Variants in GALP observed in about 807,000 individuals in gnomAD.
GALP encodes the protein galanin-like peptide.
A neutral mutation model predicts 15.2 loss-of-function variants in GALP; 12 were observed. The ratio of observed to expected loss-of-function variants is 0.79; its 90% confidence interval spans 0.51 to 1.28. The LOEUF is 1.28. Among genes scored for constraint, GALP ranks in the 50% most tolerant of loss-of-function variants. The probability of loss-of-function intolerance (pLI) is 0.00; values close to 1 mark genes in which losing one functional copy is unlikely to be tolerated. For missense variants in GALP, 161 were observed against 145.6 expected, an observed-to-expected ratio of 1.11 and a Z score of -0.55; for synonymous variants, 58 against 55.1, an observed-to-expected ratio of 1.05 and a Z score of -0.23.
intron 2 of GALP, among the ~76,000 whole-genome samples, chr19:56,177,980 C>A (rs573922826): frequency 1.3e-5 from 2 of 152,178 alleles, no homozygotes; most frequent in African/African-American, 4.8e-5. Flanking sequence ...TTGTTCATAA[C>A]AATGTGTTGT....
In GALP at chr19:56,185,315, T is replaced by C. The variant is rs968870827; in HGVS notation, c.*45T>C. The C allele has an allele frequency of 2.4e-6, 3 of 1,245,454 alleles. No individual in the cohort carries two copies. Among genetic ancestry groups the C allele is most frequent in the Non-Finnish European group, 3.5e-6 (3 of 859,830 alleles). The allele number at this position is 1,245,454 out of a possible 1,614,324, so 77.2% of individuals were successfully genotyped here. A position where few individuals can be genotyped will look rare whatever the true frequency, so the allele number is the denominator to read the frequency against. ...CCTATCCTTCTTCTCCAGCTCCTCC[T>C]GCTCCCTCTGAAACCTTTTCTAGGT... On this transcript the variant is annotated 3_prime_UTR_variant, in exon 6 of 6. Transcript: ENST00000357330.
At chr19:56,184,448 A>C (rs928053052) in intron 5 of GALP, among the ~76,000 whole-genome samples, 1 of 141,554 alleles carries the variant, frequency 7.1e-6, no homozygotes. Flanking sequence ...CCCCAACCCC[A>C]TCTCCTTCTT....
chr19:56,177,221 A>G (rs775192491), intron 2 of GALP, 26 bp downstream of exon 2: 1 of 1,575,830 alleles, frequency 6.3e-7, no homozygotes, highest in Non-Finnish European at 8.7e-7. Flanking sequence ...GTTCCTCGGA[A>G]ACAACAGTGT....
At position 56,185,304 on chromosome 19, in the gene GALP, C is replaced by T; in HGVS notation, c.*34C>T. 1 of 1,366,088 alleles carries T rather than the reference C, an allele frequency of 7.3e-7. No individual in the cohort carries two copies. The highest frequency in any genetic ancestry group is 1.0e-6 in the Non-Finnish European group (1 of 963,814). The allele number at this position is 1,366,088 out of a possible 1,614,324, so 84.6% of individuals were successfully genotyped here. A position where few individuals can be genotyped will look rare whatever the true frequency, so the allele number is the denominator to read the frequency against. The stretch of plus-strand genomic sequence containing the variant: ...AAATCCCTGTTCCTATCCTTCTTCT[C>T]CAGCTCCTCCTGCTCCCTCTGAAAC... On this transcript the variant is annotated 3_prime_UTR_variant, in exon 6 of 6. Transcript: ENST00000357330.
Position 56,178,669 on chromosome 19 carries a change from C to T in GALP, c.87+1474C>T, listed in dbSNP as rs183610615. On this transcript the variant is annotated intron_variant, in intron 2 of 5. Transcript: ENST00000357330. ...TTTTTTCTATATAACTAAGGGATAA[C>T]GGAATCCATCCTATAGGGATGTTCG... is the stretch of plus-strand genomic sequence containing the variant. Among the ~76,000 whole-genome samples, 418 of 152,086 alleles carry T rather than the reference C, an allele frequency of 2.7e-3. 6 individuals are homozygous for T. Among genetic ancestry groups the T allele is most frequent in the Admixed American group, 0.025 (376 of 15,250 alleles).
chr19:56,176,095 G>C (rs1031742022), intron 1 of GALP, 33 bp downstream of exon 1: 9 of 165,520 alleles, frequency 5.4e-5, no homozygotes, highest in African/African-American at 2.2e-4. Flanking sequence ...CAGAGGGGCG[G>C]ATCCCAGCTG....
intron 2 of GALP, among the ~76,000 whole-genome samples, chr19:56,179,615 T>C (rs2032527679): frequency 1.3e-5 from 2 of 151,152 alleles, no homozygotes; most frequent in South Asian, 2.1e-4. Flanking sequence ...GTTTACCTAC[T>C]AGGGTTGTTG....
chr19:56,178,704 G>C lies in GALP; in HGVS notation c.87+1509G>C, dbSNP rs565264817. ...CCTATAGGGATGTTCGAGGAGTTTT[G>C]ACAAGAGCTAATGGCTGTGGAGGGT... On this transcript the variant is annotated intron_variant, in intron 2 of 5. Transcript: ENST00000357330. Among the ~76,000 whole-genome samples, 4 of 152,206 alleles carry C rather than the reference G, an allele frequency of 2.6e-5. No individual in the cohort carries two copies. In the East Asian group the frequency reaches 5.8e-4, roughly 22 times the overall value.
chr19:56,177,819 G>A (rs1242742229), intron 2 of GALP, among the ~76,000 whole-genome samples: 1 of 152,120 alleles, frequency 6.6e-6, no homozygotes, highest in Non-Finnish European at 1.5e-5. Context: ...TCCAATTCCA[G>A]CACTGTGAGA....
chr19:56,177,054 C>G lies in GALP; in HGVS notation c.-39-16C>G, dbSNP rs1157552373. ...GCCCCCGCTTCGGAAAATGACTGGC[C>G]GCTCTCTCCTTGCAGCGTGTTCCGC... is the stretch of plus-strand genomic sequence containing the variant. On this transcript the variant is annotated splice_polypyrimidine_tract_variant and intron_variant, in intron 1 of 5. Transcript: ENST00000357330. 5 of 1,372,778 alleles carry G rather than the reference C, an allele frequency of 3.6e-6. No homozygotes were observed. The highest frequency in any genetic ancestry group is 5.1e-6 in the Non-Finnish European group (5 of 977,384). The allele number at this position is 1,372,778 out of a possible 1,614,324, so 85.0% of individuals were successfully genotyped here.
intron 5 of GALP, among the ~76,000 whole-genome samples, chr19:56,183,739 A>G (rs770201128): frequency 9.9e-5 from 15 of 152,120 alleles, no homozygotes; most frequent in Non-Finnish European, 2.2e-4. Context: ...CTGGGATTAC[A>G]GGCACGCGCC....
chr19:56,180,655 C>T (rs745727691), intron 3 of GALP, 21 bp downstream of exon 3: 11 of 1,609,110 alleles, frequency 6.8e-6, no homozygotes, highest in East Asian at 2.2e-5. Flanking sequence ...CTGCGCTCAG[C>T]TCTCCATCCC....
At chr19:56,182,465 C>T (rs989506056) in intron 4 of GALP, among the ~76,000 whole-genome samples, 2 of 152,134 alleles carry the variant, frequency 1.3e-5, no homozygotes, top group Admixed American at 1.3e-4. Context: ...CGTGAAATTC[C>T]GAATCCTGTT....
chr19:56,184,633 A>G (rs936388601), intron 5 of GALP, among the ~76,000 whole-genome samples: 29 of 151,090 alleles, frequency 1.9e-4, no homozygotes, highest in African/African-American at 6.3e-4. Flanking sequence ...ACAGGTGCCC[A>G]CCACCACGCC....
intron 2 of GALP, among the ~76,000 whole-genome samples, chr19:56,178,804 G>T (rs970629035): frequency 6.6e-6 from 1 of 152,172 alleles, no homozygotes; most frequent in Non-Finnish European, 1.5e-5. Flanking sequence ...TTTGCAGTTG[G>T]TTCTATTTTG....
intron 4 of GALP, among the ~76,000 whole-genome samples, chr19:56,182,483 T>C (rs533659067): frequency 1.3e-5 from 2 of 152,134 alleles, no homozygotes; most frequent in Non-Finnish European, 1.5e-5. Flanking sequence ...GTTTGAACCA[T>C]GGGCCCCGTG....
In GALP at chr19:56,185,339, G is replaced by C; in HGVS notation, c.*69G>C. ...CTGCTCCCTCTGAAACCTTTTCTAGGTACCCTATGCTGAGACTAAGATCCT... is the reference window on the plus strand; with the variant it reads ...CTGCTCCCTCTGAAACCTTTTCTAGCTACCCTATGCTGAGACTAAGATCCT... On this transcript the variant is annotated 3_prime_UTR_variant, in exon 6 of 6. Coordinates refer to ENST00000357330, the MANE Select transcript of GALP (RefSeq NM_033106.4). The C allele has an allele frequency of 2.2e-6, 2 of 916,504 alleles. No homozygotes were observed. The highest frequency in any genetic ancestry group is 3.5e-6 in the Non-Finnish European group (2 of 573,640). The allele number at this position is 916,504 out of a possible 1,614,324, so 56.8% of individuals were successfully genotyped here. A position where few individuals can be genotyped will look rare whatever the true frequency, so the allele number is the denominator to read the frequency against.
chr19:56,178,893 G>A (rs1322384868), intron 2 of GALP, among the ~76,000 whole-genome samples: 4 of 152,196 alleles, frequency 2.6e-5, no homozygotes, highest in South Asian at 2.1e-4. Flanking sequence ...GGAATCTACC[G>A]GCCGGGCACG....
intron 3 of GALP, among the ~76,000 whole-genome samples, chr19:56,180,915 CTTTTTTTTTTTT>C (rs1174325788): frequency 2.5e-5 from 1 of 40,130 alleles, no homozygotes; most frequent in East Asian, 8.3e-4. Flanking sequence ...TTCTTTCTTT[CTTTTTTTTTTTT>C]TTTTTTTTTT....
Sources: allele counts gnomAD v4.1 joint callset (sites outside exome capture counted in the v4.1 genomes callset), GRCh38; gene constraint gnomAD v4.1.1; transcripts MANE v1.5; gene names NCBI Gene and HGNC (gene_info 2026-07-23, HGNC 2026-07-21).